The following NT5C3A variants were observed in gnomAD, a reference collection of about 807,000 sequenced individuals.
NT5C3A encodes the protein cytosolic 5'-nucleotidase 3A.
NT5C3A carries 23 observed loss-of-function variants against 40.0 expected under a neutral mutation model. The ratio of observed to expected loss-of-function variants is 0.58; its 90% CI spans 0.41 to 0.81. The LOEUF (loss-of-function observed/expected upper bound fraction) is 0.81, where lower values mean the gene tolerates loss of function less well. Ranked by LOEUF, NT5C3A falls within the 40% of genes least tolerant of loss-of-function variation. The probability of loss-of-function intolerance (pLI) is 0.00; values close to 1 mark genes in which losing one functional copy is unlikely to be tolerated. For missense variants in NT5C3A, 328 were observed against 403.0 expected (o/e 0.81, Z 1.59); for synonymous variants, 130 against 141.4 (o/e 0.92, Z 0.57).
intron 1 of NT5C3A, among the ~76,000 whole-genome samples, chr7:33,031,893 G>C (rs1201299700): frequency 6.6e-6 from 1 of 152,210 alleles, no homozygotes; most frequent in Admixed American, 6.5e-5. Context: ...GGGAGGCCAA[G>C]GCCAGTGGAT....
At chr7:33,016,244 C>T (rs377127279) in intron 7 of NT5C3A, among the ~76,000 whole-genome samples, 30 of 151,788 alleles carry the variant, frequency 2.0e-4, no homozygotes, top group Middle Eastern at 3.2e-3. Flanking sequence ...TTTGGTGGCA[C>T]GCACCTGTAG....
At chr7:33,017,285 A>G in intron 7 of NT5C3A, 154 bp downstream of exon 7, 4 of 608,242 alleles carry the variant, frequency 6.6e-6, no homozygotes, top group Non-Finnish European at 1.2e-5. Flanking sequence ...AAATATGGAT[A>G]TATTAACACT....
rs537385651 is a variant in NT5C3A, at chr7:33,053,101, G to T, written c.138+9467C>A. Among the ~76,000 whole-genome samples, 339 of 152,296 alleles carry T rather than the reference G, an allele frequency of 2.2e-3. 2 individuals carry two copies. The highest frequency in any genetic ancestry group is 7.7e-3 in the African/African-American group (322 of 41,562). On this transcript the variant is annotated intron_variant, in intron 1 of 8. Transcript: ENST00000610140. ...GCCCACCTCTTGCCCGCCAATCAAT[G>T]GCTAGTATTGGTAACCGAGGTGAAG... is the stretch of plus-strand genomic sequence containing the variant.
rs1218021287 is a variant in NT5C3A at position 33,026,877 on chromosome 7, GT to G, written c.176del (p.Asn59ThrfsTer5). 1 of 1,612,838 alleles carries G rather than the reference GT, an allele frequency of 6.2e-7. No homozygotes were observed. The highest frequency in any genetic ancestry group is 1.1e-5 in the South Asian group (1 of 91,046). On this transcript the variant is annotated frameshift_variant, in exon 2 of 9. Coordinates refer to ENST00000610140, the MANE Select transcript of NT5C3A (RefSeq NM_001002010.5). LOFTEE classifies it high-confidence loss of function. ...AGATAATTTCTTCTACTCTTGTAGG[GT>G]TCTTGATTCGAACTGAACTTTTCTG... Reference protein sequence around the residue: ...EFQKSSVRIKNPTRVEEIICG... With the variant: ...EFQKSSVRIKXPTRVEEIICG...
At chr7:33,035,581 T>C (rs1786554087) in intron 1 of NT5C3A, among the ~76,000 whole-genome samples, 1 of 152,182 alleles carries the variant, frequency 6.6e-6, no homozygotes, top group African/African-American at 2.4e-5. Flanking sequence ...TGCAAGTAAG[T>C]ATTTTAAAAA....
chr7:33,017,815 T>C (rs1324127230), intron 6 of NT5C3A, among the ~76,000 whole-genome samples: 1 of 152,228 alleles, frequency 6.6e-6, no homozygotes, highest in Admixed American at 6.5e-5. Flanking sequence ...TCAATTCTAA[T>C]ACTACAAACT....
chr7:33,022,959 C>G (rs978351571), intron 3 of NT5C3A, among the ~76,000 whole-genome samples: 2 of 149,524 alleles, frequency 1.3e-5, no homozygotes, highest in African/African-American at 4.9e-5. Context: ...GTTTTGTCAT[C>G]CAGGCTGGAG....
intron 1 of NT5C3A, among the ~76,000 whole-genome samples, chr7:33,038,282 T>C (rs1051279275): frequency 1.3e-5 from 2 of 152,174 alleles, no homozygotes; most frequent in Non-Finnish European, 2.9e-5. Flanking sequence ...AAACACATTT[T>C]AATATCTAGG....
At chr7:33,025,681 G>A (rs1407180580) in intron 2 of NT5C3A, among the ~76,000 whole-genome samples, 1 of 152,094 alleles carries the variant, frequency 6.6e-6, no homozygotes, top group Non-Finnish European at 1.5e-5. Flanking sequence ...GCATGAGTTA[G>A]CTTCTTACTT....
chr7:33,053,209 C>G (rs1232673683), intron 1 of NT5C3A, among the ~76,000 whole-genome samples: 1 of 152,050 alleles, frequency 6.6e-6, no homozygotes, highest in Non-Finnish European at 1.5e-5. Context: ...TTTTTCGAGA[C>G]AGAGTCTTGC....
In NT5C3A at chr7:33,041,042, A is replaced by C. The variant is rs1226892165; in HGVS notation, c.139-14127T>G. The C allele has an allele frequency of 1.1e-5, 11 of 985,354 alleles. No homozygotes were observed. The East Asian group carries it at 4.5e-4, about 41-fold the overall frequency. The allele number at this position is 985,354 out of a possible 1,614,324, so 61.0% of individuals were successfully genotyped here. On this transcript the variant is annotated intron_variant, in intron 1 of 8. Coordinates refer to ENST00000610140, the MANE Select transcript of NT5C3A (RefSeq NM_001002010.5). ...GTACTTTATATATGCTCTTGGTTAC[A>C]GCCTCGCTAGCTCTGAGCTAGTCAC...
chr7:33,034,951 T>C (rs554476191), intron 1 of NT5C3A, among the ~76,000 whole-genome samples: 1 of 152,312 alleles, frequency 6.6e-6, no homozygotes, highest in Admixed American at 6.5e-5. Flanking sequence ...ACTGTGAATA[T>C]GGAGAACAGA....
Position 33,026,913 on chromosome 7 carries a change from C to T in NT5C3A, c.141G>A (p.Met47Ile), listed in dbSNP as rs1785974669. The T allele has an allele frequency of 6.2e-7, 1 of 1,602,904 alleles. No individual in the cohort carries two copies. Among genetic ancestry groups the T allele is most frequent in the Non-Finnish European group, 8.5e-7 (1 of 1,171,296 alleles). The change falls in exon 2 of 9, where the codon ATG (methionine) becomes ATA (isoleucine). Residue 47 changes from methionine to isoleucine, a missense_variant and splice_region_variant. This residue lies in a region of NT5C3A where 280 missense variants were observed against 317.2 expected (regional missense o/e 0.88). Transcript: ENST00000610140. The stretch of plus-strand genomic sequence containing the variant: ...GAACTGAACTTTTCTGGAATTCTGG[C>T]ATCTAAAAGTAAAAGAAAATTAATT... ...TGRKTKIIEM[M>I]PEFQKSSVRI...
At chr7:33,032,897 C>G (rs4720095) in intron 1 of NT5C3A, among the ~76,000 whole-genome samples, 110,061 of 151,930 alleles carry the variant, frequency 0.72, 40,130 homozygotes, top group African/African-American at 0.79. Context: ...GGGACTACAG[C>G]CATCTGCCAC....
chr7:33,061,669 A>T (rs1193595399), intron 1 of NT5C3A, among the ~76,000 whole-genome samples: 1 of 152,210 alleles, frequency 6.6e-6, no homozygotes, highest in African/African-American at 2.4e-5. Context: ...GATATTATTT[A>T]GTGTAGATTT....
At chr7:33,018,057 T>C (rs1045905801) in intron 6 of NT5C3A, among the ~76,000 whole-genome samples, 2 of 152,134 alleles carry the variant, frequency 1.3e-5, no homozygotes, top group African/African-American at 4.8e-5. Flanking sequence ...AAGCTACACC[T>C]TGAAAACCCC....
chr7:33,041,809 T>A (rs1021390532), intron 1 of NT5C3A, among the ~76,000 whole-genome samples: 4 of 152,154 alleles, frequency 2.6e-5, no homozygotes, highest in Non-Finnish European at 5.9e-5. Context: ...AATATGCTAA[T>A]ACCATGTGTC....
chr7:33,052,344 G>A (rs976406748), intron 1 of NT5C3A, among the ~76,000 whole-genome samples: 2 of 145,272 alleles, frequency 1.4e-5, no homozygotes, highest in South Asian at 2.2e-4. Context: ...TTAGCCAGGC[G>A]TGGTAGCAGG....
chr7:33,024,437 TGAAATAAGA>T (rs1785805953), intron 2 of NT5C3A, among the ~76,000 whole-genome samples: 1 of 80,938 alleles, frequency 1.2e-5, no homozygotes, highest in Non-Finnish European at 2.5e-5. Context: ...TTATCTTAAG[TGAAATAAGA>T]CAGGCACAGA....
Sources: gnomAD v4.1 joint callset for allele counts (sites outside exome capture counted in the v4.1 genomes callset) on GRCh38, gnomAD v4.1.1 for gene constraint, gnomAD v4.1.1 regional missense constraint, MANE v1.5 for transcripts, NCBI Gene and HGNC (gene_info 2026-07-23, HGNC 2026-07-21) for gene names.